PPP1R9A: variants seen among roughly 807,000 people sequenced by gnomAD.
PPP1R9A encodes protein phosphatase 1 regulatory subunit 9A, also known as neurabin-1.
In PPP1R9A, 59 loss-of-function variants were observed where a neutral mutation model predicts 141.9. That is an observed-to-expected ratio of 0.42 (90% CI 0.34 to 0.52). The LOEUF (loss-of-function observed/expected upper bound fraction) is 0.52, where lower values mean the gene tolerates loss of function less well. PPP1R9A is among the 20% of genes least tolerant of loss of function. The pLI, the probability that PPP1R9A is intolerant of heterozygous loss-of-function variation, is 0.10. For missense variants in PPP1R9A, 1,444 were observed against 1,611.9 expected, an observed-to-expected ratio of 0.90 and a Z score of 1.78; for synonymous variants, 500 against 569.7, an observed-to-expected ratio of 0.88 and a Z score of 1.74.
At chr7:94,947,521 A>T (rs187629090) in intron 2 of PPP1R9A, among the ~76,000 whole-genome samples, 13 of 152,200 alleles carry the variant, frequency 8.5e-5, no homozygotes, top group Admixed American at 3.3e-4. Context: ...TTCTTCAAAC[A>T]CAGAAAGTGG....
At chr7:95,050,784 G>A (rs1330281394) in intron 2 of PPP1R9A, among the ~76,000 whole-genome samples, 4 of 152,144 alleles carry the variant, frequency 2.6e-5, no homozygotes. Context: ...TTCATTATAA[G>A]TGTGTTGAAT....
intron 4 of PPP1R9A, among the ~76,000 whole-genome samples, chr7:95,134,138 TA>T (rs1365963854): frequency 2.0e-5 from 3 of 152,060 alleles, no homozygotes; most frequent in South Asian, 2.1e-4. Flanking sequence ...TATGCAGCCA[TA>T]AAAAAAGAAT....
intron 2 of PPP1R9A, among the ~76,000 whole-genome samples, chr7:95,022,563 C>T (rs1806144136): frequency 6.6e-6 from 1 of 152,132 alleles, no homozygotes; most frequent in African/African-American, 2.4e-5. Flanking sequence ...TGCTGGTTTT[C>T]AAAGGGAATG....
intron 4 of PPP1R9A, among the ~76,000 whole-genome samples, chr7:95,137,747 A>G (rs1825925932): frequency 1.3e-5 from 2 of 152,152 alleles, no homozygotes; most frequent in African/African-American, 4.8e-5. Context: ...ATGGAAATGC[A>G]AAGGACCAAG....
chr7:95,111,432 G>A (rs746732945), intron 3 of PPP1R9A, 41 bp downstream of exon 3: 3 of 1,556,328 alleles, frequency 1.9e-6, no homozygotes, highest in South Asian at 1.2e-5. Flanking sequence ...ATGTTGCTAT[G>A]TTAATAATAC....
rs544869230 is a variant in PPP1R9A, at chr7:95,187,578, C to T, written c.1755-10771C>T. On this transcript the variant is annotated intron_variant, in intron 5 of 19. Coordinates refer to ENST00000433360, the MANE Select transcript of PPP1R9A (RefSeq NM_001166160.2). Reference sequence around the variant, plus strand: ...TTGGATTTTGTTCTTTCTCTAGTTCCTTGAGTTGTGTCCTTAGATTGTCTG... The same window carrying T: ...TTGGATTTTGTTCTTTCTCTAGTTCTTTGAGTTGTGTCCTTAGATTGTCTG... 2.1e-3 allele frequency among the ~76,000 whole-genome samples: 317 copies of T among 152,046 alleles called. 22 individuals are homozygous for T. Among genetic ancestry groups the T allele is most frequent in the Non-Finnish European group, 1.8e-3 (119 of 67,948 alleles).
chr7:94,958,804 G>C (rs1243294659), intron 2 of PPP1R9A, among the ~76,000 whole-genome samples: 1 of 151,774 alleles, frequency 6.6e-6, no homozygotes, highest in Non-Finnish European at 1.5e-5. Flanking sequence ...AAATGGATTT[G>C]GTTATTTTCA....
intron 7 of PPP1R9A, 120 bp from the exon 8 acceptor site, chr7:95,225,841 C>T: frequency 9.4e-7 from 1 of 1,061,074 alleles, no homozygotes; most frequent in South Asian, 1.9e-5. Context: ...GGCTGAAAAA[C>T]CTACTTACAC....
intron 2 of PPP1R9A, among the ~76,000 whole-genome samples, chr7:94,987,019 T>C (rs113239000): frequency 0.03 from 4,515 of 152,276 alleles, 213 homozygotes; most frequent in African/African-American, 0.1. Flanking sequence ...TTTTCTCTTA[T>C]AATTGATAAC....
chr7:95,232,443 A>T (rs535395593), intron 8 of PPP1R9A, among the ~76,000 whole-genome samples: 1 of 152,322 alleles, frequency 6.6e-6, no homozygotes, highest in South Asian at 2.1e-4. Flanking sequence ...AGGCAATACC[A>T]TTCAGGACAC....
intron 12 of PPP1R9A, among the ~76,000 whole-genome samples, chr7:95,260,928 T>C (rs1800336215): frequency 6.6e-6 from 1 of 152,204 alleles, no homozygotes. Context: ...TTATTTCTTA[T>C]ATTGATATAT....
rs545831638 is a variant in PPP1R9A, at chr7:95,198,482, G to A, written c.1888G>A (p.Glu630Lys). ...HYAQYDADDDENTVAELQGMS... is the reference protein window; with the variant it reads ...HYAQYDADDDKNTVAELQGMS... ...TGCCCAGTATGATGCCGACGATGAC[G>A]AGGTCAGTAGTGCTTGCAAAGATTC... Residue 630 changes from glutamate to lysine, a missense_variant and splice_region_variant, in exon 6 of 20, where the codon GAG becomes AAG. By Grantham distance (56) the Glu-to-Lys change is moderately conservative (BLOSUM62 1). Around this residue, in one of 5 missense-constraint regions of PPP1R9A, gnomAD observed 488 missense variants for 542.0 expected, o/e 0.90. Coordinates refer to ENST00000433360, the MANE Select transcript of PPP1R9A (RefSeq NM_001166160.2). 5.4e-5 allele frequency: 84 copies of A among 1,557,518 alleles called. No individual in the cohort carries two copies. The highest frequency in any genetic ancestry group is 1.4e-4 in the Admixed American group (7 of 48,692).
chr7:95,254,422 A>G (rs966804393), intron 12 of PPP1R9A, among the ~76,000 whole-genome samples: 1 of 152,316 alleles, frequency 6.6e-6, no homozygotes, highest in South Asian at 2.1e-4. Context: ...TAGAAAGGAA[A>G]GTAAGGCTGC....
chr7:95,237,165 G>GTATA (rs921319736), intron 8 of PPP1R9A, among the ~76,000 whole-genome samples: 35 of 138,118 alleles, frequency 2.5e-4, no homozygotes, highest in South Asian at 1.6e-3. Flanking sequence ...GTGTGTATGT[G>GTATA]TATATATATA....
intron 2 of PPP1R9A, among the ~76,000 whole-genome samples, chr7:94,963,539 C>G (rs1331205187): frequency 6.6e-6 from 1 of 152,066 alleles, no homozygotes; most frequent in African/African-American, 2.4e-5. Flanking sequence ...TAAATAGAAT[C>G]ATATAATATG....
At chr7:95,030,437 G>A (rs1361083370) in intron 2 of PPP1R9A, among the ~76,000 whole-genome samples, 1 of 152,112 alleles carries the variant, frequency 6.6e-6, no homozygotes, top group Non-Finnish European at 1.5e-5. Context: ...CTCTGAGACT[G>A]TAGAGAAAAA....
At chr7:95,121,491 ATC>A (rs1563267065) in intron 4 of PPP1R9A, among the ~76,000 whole-genome samples, 1 of 150,994 alleles carries the variant, frequency 6.6e-6, no homozygotes, top group Non-Finnish European at 1.5e-5. Flanking sequence ...CTATCTATCT[ATC>A]TATCTATCTA....
chr7:95,230,609 A>G (rs2152962357), intron 8 of PPP1R9A, among the ~76,000 whole-genome samples: 1 of 152,198 alleles, frequency 6.6e-6, no homozygotes, highest in South Asian at 2.1e-4. Context: ...GACAAATAAA[A>G]AAGAATTTTA....
At chr7:94,932,763 ATTTTT>A (rs34284096) in intron 2 of PPP1R9A, among the ~76,000 whole-genome samples, 8 of 119,756 alleles carry the variant, frequency 6.7e-5, no homozygotes, top group Admixed American at 8.6e-5. Flanking sequence ...TACCTGAAGC[ATTTTT>A]TTTTTTTTTT....
Sources: allele counts gnomAD v4.1 joint callset (sites outside exome capture counted in the v4.1 genomes callset), GRCh38; gene constraint gnomAD v4.1.1; regional missense constraint gnomAD v4.1.1; transcripts MANE v1.5; gene names NCBI Gene and HGNC (gene_info 2026-07-23, HGNC 2026-07-21).